LNX1: variants seen among roughly 807,000 people sequenced by gnomAD.
LNX1 encodes E3 ubiquitin-protein ligase LNX.
A neutral mutation model predicts 68.4 loss-of-function variants in LNX1; 54 were observed. The ratio of observed to expected loss-of-function variants is 0.79; its 90% CI spans 0.63 to 0.99. The LOEUF (loss-of-function observed/expected upper bound fraction) is 0.99, where lower values mean the gene tolerates loss of function less well. LNX1 is among the 50% of genes least tolerant of loss of function. LNX1 has a pLI of 0.00. For missense variants in LNX1, 906 were observed against 926.4 expected (o/e 0.98, Z 0.29); for synonymous variants, 336 against 350.0 (o/e 0.96, Z 0.45).
At chr4:53,505,527 CAGGAGTA>C (rs1386094665) in intron 4 of LNX1, among the ~76,000 whole-genome samples, 1 of 152,152 alleles carries the variant, frequency 6.6e-6, no homozygotes, top group Non-Finnish European at 1.5e-5. Context: ...GCTGGGATTA[CAGGAGTA>C]AGCCACCACG....
At chr4:53,470,049 T>G (rs1387183640) in intron 9 of LNX1, among the ~76,000 whole-genome samples, 1 of 152,132 alleles carries the variant, frequency 6.6e-6, no homozygotes, top group African/African-American at 2.4e-5. Flanking sequence ...AAAAGAGAAT[T>G]TGAGACCAAT....
intron 9 of LNX1, among the ~76,000 whole-genome samples, chr4:53,467,065 C>T (rs1209299151): frequency 6.6e-6 from 1 of 152,184 alleles, no homozygotes; most frequent in Admixed American, 6.5e-5. Flanking sequence ...TCCCTGACCC[C>T]CGAGTAGCCT....
chr4:53,606,068 G>A (rs1733220421), intron 2 of LNX1, among the ~76,000 whole-genome samples: 1 of 152,046 alleles, frequency 6.6e-6, no homozygotes, highest in South Asian at 2.1e-4. Context: ...CCGACACACA[G>A]TTAGCAGAAG....
intron 2 of LNX1, among the ~76,000 whole-genome samples, chr4:53,511,789 G>A (rs982918475): frequency 4.6e-5 from 7 of 152,184 alleles, no homozygotes; most frequent in African/African-American, 9.7e-5. Context: ...GTGATTCACA[G>A]ACGTTCTGAT....
chr4:53,611,738 C>T (rs1307631402), intron 2 of LNX1, among the ~76,000 whole-genome samples: 2 of 152,024 alleles, frequency 1.3e-5, no homozygotes, highest in African/African-American at 2.4e-5. Flanking sequence ...CTCAAGGATA[C>T]GCTACAAATA....
chr4:53,599,291 C>A (rs1045177323), intron 2 of LNX1, among the ~76,000 whole-genome samples: 1 of 152,154 alleles, frequency 6.6e-6, no homozygotes, highest in African/African-American at 2.4e-5. Flanking sequence ...CCAGCTAAAA[C>A]CCACCAAAAC....
chr4:53,568,778 A>G (rs1372538160), intron 2 of LNX1, among the ~76,000 whole-genome samples: 1 of 152,084 alleles, frequency 6.6e-6, no homozygotes, highest in African/African-American at 2.4e-5. Flanking sequence ...GTCTCAGCCC[A>G]AAATCTCCTT....
chr4:53,581,668 C>T lies in LNX1; in HGVS notation c.-86-7580G>A, dbSNP rs555642720. 6.0e-4 allele frequency among the ~76,000 whole-genome samples: 91 copies of T among 152,292 alleles called. 1 individual carries two copies. The highest frequency in any genetic ancestry group is 1.8e-4 in the Non-Finnish European group (12 of 68,024). On this transcript the variant is annotated intron_variant, in intron 1 of 10. Transcript: ENST00000263925. ...CAACATATCTCATGAGACTTACTCA[C>T]TATCGCAAGAATAGCATGGGAAAAA...
intron 6 of LNX1, among the ~76,000 whole-genome samples, chr4:53,482,683 G>A: frequency 6.6e-6 from 1 of 152,128 alleles, no homozygotes; most frequent in Non-Finnish European, 1.5e-5. Context: ...GTAATATAAT[G>A]GACTTTGGAG....
chr4:53,511,295 G>A (rs189411350), intron 2 of LNX1, among the ~76,000 whole-genome samples: 1 of 152,270 alleles, frequency 6.6e-6, no homozygotes, highest in East Asian at 1.9e-4. Context: ...ACTAATACTG[G>A]GGCAGCTTGA....
intron 1 of LNX1, among the ~76,000 whole-genome samples, chr4:53,587,905 A>T (rs1577764374): frequency 6.6e-6 from 1 of 152,164 alleles, no homozygotes; most frequent in African/African-American, 2.4e-5. Flanking sequence ...ACTCCAAGAG[A>T]AACAACACAA....
intron 1 of LNX1, among the ~76,000 whole-genome samples, chr4:53,585,843 G>A (rs1037350898): frequency 6.6e-6 from 1 of 152,136 alleles, no homozygotes; most frequent in African/African-American, 2.4e-5. Context: ...GTTGTTTTAA[G>A]CCACCAAGTT....
intron 9 of LNX1, among the ~76,000 whole-genome samples, chr4:53,475,673 C>T (rs1175415601): frequency 1.3e-5 from 2 of 152,182 alleles, no homozygotes; most frequent in African/African-American, 4.8e-5. Context: ...AGATAATCAT[C>T]TGAAGGCCAA....
intron 6 of LNX1, among the ~76,000 whole-genome samples, chr4:53,486,357 G>A (rs771921486): frequency 6.6e-6 from 1 of 152,124 alleles, no homozygotes; most frequent in Non-Finnish European, 1.5e-5. Flanking sequence ...GAGTAGCTGG[G>A]GCTACAGGCA....
intron 6 of LNX1, among the ~76,000 whole-genome samples, chr4:53,490,463 C>T (rs748923681): frequency 6.6e-6 from 1 of 152,198 alleles, no homozygotes; most frequent in African/African-American, 2.4e-5. Flanking sequence ...ATATTTGAGG[C>T]TTCTATCTCC....
At chr4:53,630,142 C>G (rs1341257456) in intron 1 of LNX1, among the ~76,000 whole-genome samples, 2 of 151,978 alleles carry the variant, frequency 1.3e-5, no homozygotes, top group African/African-American at 4.8e-5. Flanking sequence ...TTTCCCTTTA[C>G]CCTGTGCTAG....
At chr4:53,634,835 A>T (rs1425786686) in intron 1 of LNX1, among the ~76,000 whole-genome samples, 15 of 148,298 alleles carry the variant, frequency 1.0e-4, no homozygotes, top group South Asian at 2.1e-4. Flanking sequence ...TTAATTTTTT[A>T]TTATTATTAT....
At chr4:53,559,832 A>T (rs1255405193) in intron 2 of LNX1, among the ~76,000 whole-genome samples, 2 of 149,778 alleles carry the variant, frequency 1.3e-5, no homozygotes, top group East Asian at 4.0e-4. Context: ...AAAAAAAATT[A>T]AAATCTTTTT....
chr4:53,598,994 G>T (rs1732877173), intron 2 of LNX1, among the ~76,000 whole-genome samples: 1 of 152,192 alleles, frequency 6.6e-6, no homozygotes, highest in Non-Finnish European at 1.5e-5. Context: ...CTTAACAGAG[G>T]AGTGTTACAG....
Sources: gnomAD v4.1 joint callset for allele counts (sites outside exome capture counted in the v4.1 genomes callset) on GRCh38, gnomAD v4.1.1 for gene constraint, MANE v1.5 for transcripts, NCBI Gene and HGNC (gene_info 2026-07-23, HGNC 2026-07-21) for gene names.